Variants in ADGRB3 observed in about 807,000 individuals in gnomAD.
The protein encoded by ADGRB3 is brain-specific angiogenesis inhibitor 3.
Under a neutral mutation model 193.4 loss-of-function variants are expected in ADGRB3, and 37 were observed. The observed-to-expected ratio is 0.19, with a 90% CI of 0.15 to 0.25. The LOEUF (loss-of-function observed/expected upper bound fraction) is 0.25, where lower values mean the gene tolerates loss of function less well. ADGRB3 is among the 10% of genes least tolerant of loss of function. The pLI is 1.00. For missense variants in ADGRB3, 1,637 were observed against 1,852.9 expected, an observed-to-expected ratio of 0.88 and a Z score of 2.14; for synonymous variants, 690 against 644.2, an observed-to-expected ratio of 1.07 and a Z score of -1.08.
chr6:68,764,778 T>C (rs1582181773), intron 3 of ADGRB3, among the ~76,000 whole-genome samples: 1 of 151,424 alleles, frequency 6.6e-6, no homozygotes, highest in East Asian at 1.9e-4. Context: ...AATTCATTGA[T>C]TAACTTAAAT....
At chr6:68,709,076 C>T (rs1184349901) in intron 3 of ADGRB3, among the ~76,000 whole-genome samples, 1 of 152,102 alleles carries the variant, frequency 6.6e-6, no homozygotes, top group Admixed American at 6.6e-5. Context: ...ACATTTTGAA[C>T]CTTTTACTGC....
chr6:69,294,861 G>A (rs1767774836), intron 20 of ADGRB3, among the ~76,000 whole-genome samples: 1 of 152,070 alleles, frequency 6.6e-6, no homozygotes, highest in Non-Finnish European at 1.5e-5. Context: ...AAATAAGATT[G>A]TGTGTTTTGA....
intron 3 of ADGRB3, among the ~76,000 whole-genome samples, chr6:68,672,213 T>C (rs556578209): frequency 8.5e-5 from 13 of 152,168 alleles, no homozygotes; most frequent in African/African-American, 3.1e-4. Context: ...AATCCAACTT[T>C]ATGTTTGCTT....
chr6:69,332,431 A>C (rs1768750690), intron 23 of ADGRB3: 1 of 985,302 alleles, frequency 1.0e-6, no homozygotes, highest in South Asian at 4.7e-5. Context: ...CACAGAAAAG[A>C]ATAACCACAC....
chr6:69,213,474 A>G (rs1240976970), intron 17 of ADGRB3, among the ~76,000 whole-genome samples: 2 of 152,148 alleles, frequency 1.3e-5, no homozygotes, highest in African/African-American at 2.4e-5. Flanking sequence ...TTTGCTATAC[A>G]TTGGCTTTTG....
chr6:69,106,177 A>AAAAAAAC (rs1198850478), intron 17 of ADGRB3, among the ~76,000 whole-genome samples: 2 of 149,420 alleles, frequency 1.3e-5, no homozygotes, highest in Non-Finnish European at 1.5e-5. Context: ...AAAAAAAAAA[A>AAAAAAAC]AAAAAAGAAA....
At chr6:69,220,161 G>C (rs564932745) in intron 17 of ADGRB3, among the ~76,000 whole-genome samples, 29 of 151,772 alleles carry the variant, frequency 1.9e-4, no homozygotes, top group Middle Eastern at 3.4e-3. Context: ...CATTTTTTTA[G>C]GTACTTTGCT....
At chr6:68,870,892 G>A (rs1177588541) in intron 3 of ADGRB3, among the ~76,000 whole-genome samples, 1 of 152,182 alleles carries the variant, frequency 6.6e-6, no homozygotes, top group East Asian at 1.9e-4. Flanking sequence ...CTCTTTAGAA[G>A]GTGAGATGCA....
intron 13 of ADGRB3, among the ~76,000 whole-genome samples, chr6:69,030,380 A>T (rs1055193462): frequency 6.6e-6 from 1 of 152,192 alleles, no homozygotes; most frequent in Non-Finnish European, 1.5e-5. Context: ...CCCATCAGTG[A>T]TAGACTGGAT....
chr6:69,175,754 C>G (rs999750591), intron 17 of ADGRB3, among the ~76,000 whole-genome samples: 1 of 152,172 alleles, frequency 6.6e-6, no homozygotes, highest in Non-Finnish European at 1.5e-5. Flanking sequence ...GTGATATTGA[C>G]TGCCAATTCA....
rs141784898 is a variant in ADGRB3 at position 68,984,433 on chromosome 6, T to C, written c.1734+9093T>C. Among the ~76,000 whole-genome samples, 633 of 152,234 alleles carry C rather than the reference T, an allele frequency of 4.2e-3. 2 individuals carry two copies. Among genetic ancestry groups the C allele is most frequent in the Non-Finnish European group, 7.8e-3 (529 of 68,006 alleles). On this transcript the variant is annotated intron_variant, in intron 10 of 31. Coordinates refer to ENST00000370598, the MANE Select transcript of ADGRB3 (RefSeq NM_001704.3). The stretch of plus-strand genomic sequence containing the variant: ...TAAATCTGGAGAATGTAATTGGATA[T>C]GGGAGTCGGAAACTCAGATTCTAAT...
At chr6:69,317,089 A>G (rs1344335932) in intron 20 of ADGRB3, among the ~76,000 whole-genome samples, 2 of 151,574 alleles carry the variant, frequency 1.3e-5, no homozygotes, top group African/African-American at 2.4e-5. Context: ...GATTACAGTT[A>G]CATAGGTGTA....
chr6:68,891,563 G>A (rs192199047), intron 3 of ADGRB3, among the ~76,000 whole-genome samples: 1 of 152,148 alleles, frequency 6.6e-6, no homozygotes, highest in Admixed American at 6.5e-5. Flanking sequence ...CTTAATGAAT[G>A]TCTGAGTCAG....
In ADGRB3 at chr6:69,388,834, G is replaced by A; in HGVS notation, c.4512G>A (p.Glu1504=). 1.2e-6 allele frequency: 2 copies of A among 1,613,458 alleles called. No individual in the cohort carries two copies. The highest frequency in any genetic ancestry group is 1.7e-6 in the Non-Finnish European group (2 of 1,179,608). The change falls in exon 32 of 32, where the codon GAG becomes GAA. Residue 1504 remains glutamate (E), a synonymous_variant. Coordinates refer to ENST00000370598, the MANE Select transcript of ADGRB3 (RefSeq NM_001704.3). Reference sequence around the variant, plus strand: ...TGGAACTGAGGCCAGCAGAGTGGGAGAAGTGTCTGAATTTGCCTCTGGATG... The same window carrying A: ...TGGAACTGAGGCCAGCAGAGTGGGAAAAGTGTCTGAATTTGCCTCTGGATG... The part of the protein sequence containing the change: ...DALELRPAEW[E]KCLNLPLDVQ...
At chr6:69,211,520 C>T (rs527288907) in intron 17 of ADGRB3, among the ~76,000 whole-genome samples, 1 of 152,048 alleles carries the variant, frequency 6.6e-6, no homozygotes, top group Admixed American at 6.6e-5. Context: ...GTTACAAGAA[C>T]ACTATCAGGT....
chr6:68,881,093 G>A (rs1032853896), intron 3 of ADGRB3, among the ~76,000 whole-genome samples: 1 of 151,870 alleles, frequency 6.6e-6, no homozygotes, highest in Non-Finnish European at 1.5e-5. Flanking sequence ...CTAATAGGAT[G>A]GTTATATTGC....
At chr6:69,163,986 T>G (rs1317817033) in intron 17 of ADGRB3, among the ~76,000 whole-genome samples, 1 of 152,128 alleles carries the variant, frequency 6.6e-6, no homozygotes, top group Admixed American at 6.6e-5. Flanking sequence ...CTGCTCCTCC[T>G]TAAAAATTCC....
intron 6 of ADGRB3, among the ~76,000 whole-genome samples, chr6:68,954,346 G>T (rs1768012617): frequency 6.6e-6 from 1 of 152,160 alleles, no homozygotes; most frequent in Non-Finnish European, 1.5e-5. Flanking sequence ...ATGACTAATA[G>T]ATTCTCAAAA....
chr6:69,079,357 C>T (rs1562150057), intron 17 of ADGRB3, among the ~76,000 whole-genome samples: 1 of 151,950 alleles, frequency 6.6e-6, no homozygotes, highest in Non-Finnish European at 1.5e-5. Context: ...CAGAAAAGAC[C>T]TTCGATAAAA....
Sources: gnomAD v4.1 joint callset for allele counts (sites outside exome capture counted in the v4.1 genomes callset) on GRCh38, gnomAD v4.1.1 for gene constraint, MANE v1.5 for transcripts, NCBI Gene and HGNC (gene_info 2026-07-23, HGNC 2026-07-21) for gene names.